MPP7: variants seen among roughly 807,000 people sequenced by gnomAD.
MPP7 encodes the protein MAGUK p55 subfamily member 7.
Under a neutral mutation model 76.5 loss-of-function variants are expected in MPP7, and 60 were observed. That is an observed-to-expected ratio of 0.78 (90% CI 0.64 to 0.97). The LOEUF is 0.97. Among genes scored for constraint, MPP7 ranks in the 50% least tolerant of loss-of-function variants. The pLI is 0.00. For missense variants in MPP7, 641 were observed against 694.0 expected (o/e 0.92, Z 0.86); for synonymous variants, 237 against 244.5 (o/e 0.97, Z 0.29).
intron 13 of MPP7, among the ~76,000 whole-genome samples, chr10:28,063,986 T>C (rs1044279296): frequency 3.9e-5 from 6 of 152,208 alleles, no homozygotes; most frequent in Non-Finnish European, 8.8e-5. Context: ...CATACGCTAC[T>C]AGAGGTTTGT....
At chr10:28,245,425 T>C (rs1839401584) in intron 1 of MPP7, among the ~76,000 whole-genome samples, 1 of 152,152 alleles carries the variant, frequency 6.6e-6, no homozygotes, top group Admixed American at 6.6e-5. Flanking sequence ...TGATCCGCTG[T>C]CTTTCCCTTC....
intron 1 of MPP7, among the ~76,000 whole-genome samples, chr10:28,334,196 G>C (rs1834495737): frequency 6.6e-6 from 1 of 151,164 alleles, no homozygotes. Context: ...GTGAGACCTT[G>C]TCTAAAAAAA....
chr10:28,183,789 C>A (rs1450812618), intron 3 of MPP7, among the ~76,000 whole-genome samples: 3 of 149,370 alleles, frequency 2.0e-5, no homozygotes, highest in Non-Finnish European at 3.0e-5. Flanking sequence ...GAATCTATCT[C>A]AAAAAAAAAC....
At chr10:28,092,577 C>CATTTTTTTTT (rs1853360529) in intron 11 of MPP7, among the ~76,000 whole-genome samples, 1 of 121,102 alleles carries the variant, frequency 8.3e-6, no homozygotes, top group African/African-American at 3.2e-5. Flanking sequence ...GAAAAGGGAC[C>CATTTTTTTTT]TTTTTTTTTT....
At chr10:28,152,591 G>A (rs76317384) in intron 3 of MPP7, among the ~76,000 whole-genome samples, 3,520 of 152,300 alleles carry the variant, frequency 0.023, 112 homozygotes, top group African/African-American at 0.077. Flanking sequence ...CACTGGCCAC[G>A]TGTGGCTTTT....
chr10:28,301,619 T>C (rs962767004), intron 1 of MPP7, among the ~76,000 whole-genome samples: 3 of 152,122 alleles, frequency 2.0e-5, no homozygotes, highest in South Asian at 2.1e-4. Context: ...TAAAATAAAG[T>C]AGGAGTAAAG....
intron 1 of MPP7, among the ~76,000 whole-genome samples, chr10:28,276,544 C>A (rs1385840539): frequency 2.0e-5 from 3 of 152,062 alleles, no homozygotes; most frequent in Non-Finnish European, 4.4e-5. Context: ...CACTATATCA[C>A]TGTAAGAGTC....
chr10:28,170,488 A>G (rs1224174488), intron 3 of MPP7, among the ~76,000 whole-genome samples: 1 of 151,600 alleles, frequency 6.6e-6, no homozygotes, highest in Non-Finnish European at 1.5e-5. Flanking sequence ...TTTCTTTATC[A>G]TCGCTGCCTG....
chr10:28,257,312 T>C (rs187077137), intron 1 of MPP7, among the ~76,000 whole-genome samples: 1 of 152,128 alleles, frequency 6.6e-6, no homozygotes. Context: ...TTCCTTATAT[T>C]CTTTAATTAT....
chr10:28,064,093 A>AAAC (rs1349877804), intron 13 of MPP7, among the ~76,000 whole-genome samples: 3 of 152,206 alleles, frequency 2.0e-5, no homozygotes, highest in African/African-American at 7.2e-5. Context: ...TGGCCAAGAG[A>AAAC]AACAAAAACA....
intron 2 of MPP7, among the ~76,000 whole-genome samples, chr10:28,221,610 A>C (rs1838509776): frequency 6.6e-6 from 1 of 152,190 alleles, no homozygotes. Context: ...CATCCAAATC[A>C]TGTTATGAAA....
intron 2 of MPP7, among the ~76,000 whole-genome samples, chr10:28,226,198 G>A (rs1012858818): frequency 4.5e-4 from 69 of 151,950 alleles, no homozygotes; most frequent in African/African-American, 1.6e-3. Context: ...ACAAATTCTA[G>A]AGACAGAAAG....
intron 2 of MPP7, among the ~76,000 whole-genome samples, chr10:28,325,085 G>A (rs796474764): frequency 8.5e-5 from 13 of 152,268 alleles, no homozygotes; most frequent in African/African-American, 3.1e-4. Context: ...TAGAGATGGA[G>A]GTCCCACTAT....
At chr10:28,242,721 A>AATTGGTAAAGC (rs1388240179) in intron 1 of MPP7, among the ~76,000 whole-genome samples, 2 of 152,234 alleles carry the variant, frequency 1.3e-5, no homozygotes, top group African/African-American at 4.8e-5. Context: ...AGCAATGGTC[A>AATTGGTAAAGC]CAGTTGGTAA....
At chr10:28,325,776 G>A (rs773184335) in intron 2 of MPP7, among the ~76,000 whole-genome samples, 1 of 150,856 alleles carries the variant, frequency 6.6e-6, no homozygotes, top group Non-Finnish European at 1.5e-5. Flanking sequence ...TTACAGGCAT[G>A]AGCCACCGCG....
intron 13 of MPP7, among the ~76,000 whole-genome samples, chr10:28,061,606 G>A (rs1168855458): frequency 3.3e-5 from 5 of 151,972 alleles, no homozygotes; most frequent in African/African-American, 1.2e-4. Flanking sequence ...AGAGATTGGG[G>A]CAGAAAAATA....
chr10:28,187,617 T>C (rs543316203), intron 3 of MPP7, among the ~76,000 whole-genome samples: 3 of 152,220 alleles, frequency 2.0e-5, no homozygotes, highest in African/African-American at 7.2e-5. Context: ...TAATACCACC[T>C]CTCCCTTCCC....
intron 1 of MPP7, among the ~76,000 whole-genome samples, chr10:28,246,944 G>A (rs967172482): frequency 1.3e-5 from 2 of 152,078 alleles, no homozygotes; most frequent in Non-Finnish European, 2.9e-5. Flanking sequence ...CTGACATAGA[G>A]CACAGTACCC....
At chr10:28,107,139 C>T (rs117699034) in intron 11 of MPP7, among the ~76,000 whole-genome samples, 1,828 of 152,230 alleles carry the variant, frequency 0.012, 52 homozygotes, top group East Asian at 0.11. Flanking sequence ...AATTTCCAGG[C>T]CCACCATCTA....
Sources: allele counts gnomAD v4.1 joint callset (sites outside exome capture counted in the v4.1 genomes callset), GRCh38; gene constraint gnomAD v4.1.1; transcripts MANE v1.5; gene names NCBI Gene and HGNC (gene_info 2026-07-23, HGNC 2026-07-21).